Variants in EPG5 observed in about 807,000 individuals in gnomAD.
EPG5 encodes ectopic P granules protein 5 homolog.
Under a neutral mutation model 302.7 loss-of-function variants are expected in EPG5, and 159 were observed. The observed-to-expected ratio is 0.53, with a 90% CI of 0.46 to 0.60. The LOEUF is 0.60. EPG5 is among the 20% of genes least tolerant of loss of function. The pLI is 0.00. For synonymous variants in EPG5, 1,158 were observed against 1,136.8 expected, an observed-to-expected ratio of 1.02 and a Z score of -0.37; for missense variants, 2,896 against 3,092.4, an observed-to-expected ratio of 0.94 and a Z score of 1.51.
intron 16 of EPG5, 73 bp from the exon 17 acceptor site, chr18:45,917,892 T>C (rs1268229939): frequency 6.4e-7 from 1 of 1,555,430 alleles, no homozygotes; most frequent in South Asian, 1.2e-5. Context: ...CAATGAGTTA[T>C]GAGCCTTCAA....
chr18:45,825,767 G>T, the EPG5 span: 1 of 1,614,206 alleles, frequency 6.2e-7, no homozygotes, highest in South Asian at 1.1e-5. Context: ...GCTTGGCGTG[G>T]GTTCTCCCGA....
Position 45,852,259 on chromosome 18 carries a change from G to A in EPG5, c.*208C>T. The A allele has an allele frequency of 2.1e-6, 1 of 465,508 alleles. No homozygotes were observed. Among genetic ancestry groups the A allele is most frequent in the Non-Finnish European group, 3.7e-6 (1 of 266,864 alleles). 28.8% of individuals were successfully genotyped at this position (465,508 alleles called of 1,614,324 possible). A position where few individuals can be genotyped will look rare whatever the true frequency, so the allele number is the denominator to read the frequency against. ...AATATAAAAACTTAAAGAGTCCCCA[G>A]AAGGTCTTAAGAGCTAAGAAAACAC... On this transcript the variant is annotated 3_prime_UTR_variant, in exon 44 of 44. Coordinates refer to ENST00000282041, the MANE Select transcript of EPG5 (RefSeq NM_020964.3).
chr18:45,838,873 C>G, the EPG5 span: 1 of 1,588,566 alleles, frequency 6.3e-7, no homozygotes, highest in Non-Finnish European at 8.5e-7. Context: ...GCGTGAGGGT[C>G]ACGGCCACCT....
chr18:45,915,621 T>TCTACACC lies in EPG5; in HGVS notation c.3583-7_3583-1dup (p.Asn1195GlyfsTer10). ...CGGTCACAGTGGTAACCCAAGGCAT[T>TCTACACC]CTACACCGGGAGATGTGGAGCAGAG... On this transcript the variant is annotated frameshift_variant and splice_region_variant. Transcript: ENST00000282041. LOFTEE classifies it high-confidence loss of function. 2.5e-6 allele frequency: 4 copies of TCTACACC among 1,612,016 alleles called. No individual in the cohort carries two copies. Among genetic ancestry groups the TCTACACC allele is most frequent in the Non-Finnish European group, 3.4e-6 (4 of 1,178,224 alleles).
chr18:45,835,156 G>T, the EPG5 span, among the ~76,000 whole-genome samples: 162 of 152,258 alleles, frequency 1.1e-3, 1 homozygote, highest in African/African-American at 3.7e-3. Context: ...GAGAATAGTA[G>T]AGGGAAGTGA....
intron 11 of EPG5, 58 bp from the exon 12 acceptor site, chr18:45,930,888 T>C: frequency 7.0e-7 from 1 of 1,431,070 alleles, no homozygotes; most frequent in Non-Finnish European, 9.4e-7. Context: ...TATCTTTTAA[T>C]CACTCTTCCA....
the EPG5 span, among the ~76,000 whole-genome samples, chr18:45,803,989 T>C: frequency 3.3e-5 from 5 of 152,106 alleles, no homozygotes; most frequent in South Asian, 2.1e-4. Flanking sequence ...GACACAGATA[T>C]TGAAATTAAT....
the EPG5 span, among the ~76,000 whole-genome samples, chr18:45,814,045 T>TC: frequency 6.6e-6 from 1 of 152,128 alleles, no homozygotes; most frequent in African/African-American, 2.4e-5. Context: ...TCTGAGTATC[T>TC]CCCCACAGAT....
rs911663379 is a variant in EPG5 at position 45,851,149 on chromosome 18, T to C, written c.*1318A>G. On this transcript the variant is annotated 3_prime_UTR_variant, in exon 44 of 44. Transcript: ENST00000282041. ...GGAGAGATTAGCACTCTGTTAACTA[T>C]ATTCCTATACCCCTATAAACATTCT... 2.0e-5 allele frequency: 3 copies of C among 152,270 alleles called. No individual in the cohort carries two copies. Among genetic ancestry groups the C allele is most frequent in the African/African-American group, 7.2e-5 (3 of 41,480 alleles). The allele number at this position is 152,270 out of a possible 1,614,324, so 9.4% of individuals were successfully genotyped here.
chr18:45,838,758 G>C, the EPG5 span: 1 of 1,582,148 alleles, frequency 6.3e-7, no homozygotes, highest in East Asian at 2.3e-5. Flanking sequence ...TGCCCAGTCC[G>C]GCTCACGCCT....
chr18:45,917,371 TCAGAAGCACGATTCC>T (rs2050056828), intron 17 of EPG5, among the ~76,000 whole-genome samples: 2 of 152,358 alleles, frequency 1.3e-5, no homozygotes, highest in South Asian at 4.1e-4. Context: ...CTGCTTAATA[TCAGAAGCACGATTCC>T]CAGAATCTCA....
At chr18:45,931,610 A>G (rs1290712339) in intron 11 of EPG5, among the ~76,000 whole-genome samples, 2 of 152,174 alleles carry the variant, frequency 1.3e-5, no homozygotes, top group Non-Finnish European at 2.9e-5. Flanking sequence ...AAAGATGGGC[A>G]GATCACTTGA....
downstream of EPG5, among the ~76,000 whole-genome samples, chr18:45,844,505 T>C (rs1183525612): frequency 6.6e-6 from 1 of 152,204 alleles, no homozygotes; most frequent in Admixed American, 6.5e-5. Context: ...AAACATCACA[T>C]GTACCCTATA....
At chr18:45,963,660 G>C (rs1007086874) in intron 1 of EPG5, among the ~76,000 whole-genome samples, 6 of 152,066 alleles carry the variant, frequency 3.9e-5, no homozygotes, top group African/African-American at 1.4e-4. Flanking sequence ...AGAAAAGAGA[G>C]AAAGTTGGGA....
intron 40 of EPG5, among the ~76,000 whole-genome samples, chr18:45,859,759 G>A (rs1462299131): frequency 6.6e-6 from 1 of 152,168 alleles, no homozygotes; most frequent in East Asian, 1.9e-4. Context: ...TATAGATCCT[G>A]GTATATAGCA....
Position 45,954,758 on chromosome 18 carries a change from A to G in EPG5, c.644T>C (p.Leu215Pro). The G allele has an allele frequency of 1.9e-6, 3 of 1,613,876 alleles. No homozygotes were observed. The highest frequency in any genetic ancestry group is 2.2e-5 in the East Asian group (1 of 44,890). Residue 215 changes from leucine (L) to proline (P), a missense_variant, in exon 2 of 44, where the codon CTG becomes CCG. Around this residue, in one of 5 missense-constraint regions of EPG5, gnomAD observed 1,390 missense variants for 1,430.0 expected, o/e 0.97. Transcript: ENST00000282041. ...AATTTCAGCTGGCAACTGGGGATAC[A>G]GTTTCTTCACTCTAGGTGTCTGAAA... ...HGFQTPRVKK[L>P]YPQLPAEIAG...
the EPG5 span, among the ~76,000 whole-genome samples, chr18:45,805,976 T>C: frequency 2.6e-5 from 4 of 152,336 alleles, no homozygotes; most frequent in East Asian, 3.9e-4. Flanking sequence ...TCAGGAAACA[T>C]AGATGATCTG....
intron 2 of EPG5, 150 bp from the exon 3 acceptor site, chr18:45,952,793 T>A: frequency 1.2e-6 from 1 of 807,988 alleles, no homozygotes; most frequent in Non-Finnish European, 1.9e-6. Flanking sequence ...TAGAGAACAT[T>A]ACCAGCAAAT....
chr18:45,952,378 G>C (rs1348052946), intron 3 of EPG5, 22 bp downstream of exon 3: 1 of 1,610,178 alleles, frequency 6.2e-7, no homozygotes, highest in Admixed American at 1.7e-5. Flanking sequence ...ACACAAGAAA[G>C]AGAGCTTCAT....
Sources: gnomAD v4.1 joint callset for allele counts (sites outside exome capture counted in the v4.1 genomes callset) on GRCh38, gnomAD v4.1.1 for gene constraint, gnomAD v4.1.1 regional missense constraint, MANE v1.5 for transcripts, NCBI Gene and HGNC (gene_info 2026-07-23, HGNC 2026-07-21) for gene names.